DEUP1: variants seen among roughly 807,000 people sequenced by gnomAD.
DEUP1 encodes coiled-coil domain containing 67.
In DEUP1, 82 loss-of-function variants were observed where a neutral mutation model predicts 87.4. The ratio of observed to expected loss-of-function variants is 0.94; its 90% confidence interval spans 0.78 to 1.13. The LOEUF is 1.13. Ranked by LOEUF, DEUP1 falls within the 50% of genes most tolerant of loss-of-function variation. The probability of loss-of-function intolerance (pLI) is 0.00; values close to 1 mark genes in which losing one functional copy is unlikely to be tolerated. For missense variants in DEUP1, 663 were observed against 681.5 expected (o/e 0.97, Z 0.30); for synonymous variants, 214 against 222.7 (o/e 0.96, Z 0.35).
intron 2 of DEUP1, among the ~76,000 whole-genome samples, chr11:93,349,500 C>CT (rs1944523390): frequency 6.6e-6 from 1 of 152,070 alleles, no homozygotes; most frequent in African/African-American, 2.4e-5. Flanking sequence ...ACCAAAGGAT[C>CT]TGTGAGACCC....
At chr11:93,343,997 T>C (rs1944204339) in intron 2 of DEUP1, among the ~76,000 whole-genome samples, 2 of 152,208 alleles carry the variant, frequency 1.3e-5, no homozygotes, top group South Asian at 4.1e-4. Flanking sequence ...ACACTAATGA[T>C]GACAGTAACA....
chr11:93,360,663 T>C (rs921454673), intron 4 of DEUP1, among the ~76,000 whole-genome samples: 2 of 151,812 alleles, frequency 1.3e-5, no homozygotes, highest in East Asian at 3.9e-4. Context: ...ACTCAATGGA[T>C]GGACTTAAAA....
intron 12 of DEUP1, among the ~76,000 whole-genome samples, chr11:93,413,543 C>T (rs1171195207): frequency 2.0e-5 from 3 of 152,072 alleles, no homozygotes; most frequent in African/African-American, 7.2e-5. Context: ...GGCCCAGCCT[C>T]TTTGATGATT....
intron 12 of DEUP1, among the ~76,000 whole-genome samples, chr11:93,409,159 T>C (rs1284550579): frequency 1.3e-5 from 2 of 152,150 alleles, no homozygotes; most frequent in Admixed American, 6.5e-5. Context: ...ACCCAGCCAA[T>C]AGATACACTT....
intron 3 of DEUP1, 63 bp downstream of exon 3, chr11:93,355,605 A>G: frequency 7.2e-7 from 1 of 1,397,436 alleles, no homozygotes; most frequent in Non-Finnish European, 9.6e-7. Flanking sequence ...GTATTCTATC[A>G]GAATATGTTT....
chr11:93,399,629 T>C (rs1228645533), intron 11 of DEUP1, among the ~76,000 whole-genome samples: 1 of 151,780 alleles, frequency 6.6e-6, no homozygotes, highest in Non-Finnish European at 1.5e-5. Context: ...TTTTTAGTAC[T>C]GTTATGAATA....
chr11:93,401,695 C>A (rs911084368), intron 11 of DEUP1, among the ~76,000 whole-genome samples: 4 of 151,782 alleles, frequency 2.6e-5, no homozygotes, highest in African/African-American at 9.7e-5. Flanking sequence ...ACTTCACACC[C>A]ACTAGAATGA....
chr11:93,410,085 A>G (rs894628368), intron 12 of DEUP1, among the ~76,000 whole-genome samples: 1 of 152,172 alleles, frequency 6.6e-6, no homozygotes, highest in African/African-American at 2.4e-5. Context: ...CAGATGTTCA[A>G]CATTCTTATG....
At chr11:93,379,165 C>T (rs1280836606) in intron 7 of DEUP1, among the ~76,000 whole-genome samples, 1 of 152,110 alleles carries the variant, frequency 6.6e-6, no homozygotes, top group Non-Finnish European at 1.5e-5. Context: ...TTACAGGATC[C>T]AAGAGCGGCC....
chr11:93,347,624 T>A (rs1422113012), intron 2 of DEUP1, among the ~76,000 whole-genome samples: 1 of 152,228 alleles, frequency 6.6e-6, no homozygotes, highest in Admixed American at 6.5e-5. Flanking sequence ...AGAATTCAAC[T>A]GTGAATCTTT....
chr11:93,408,116 C>A, intron 11 of DEUP1, 115 bp from the exon 12 acceptor site: 1 of 698,810 alleles, frequency 1.4e-6, no homozygotes, highest in Non-Finnish European at 2.3e-6. Flanking sequence ...AGAGTACAGC[C>A]ACATCACTTG....
intron 11 of DEUP1, among the ~76,000 whole-genome samples, chr11:93,401,012 T>C (rs1444129072): frequency 6.6e-6 from 1 of 152,180 alleles, no homozygotes; most frequent in East Asian, 1.9e-4. Flanking sequence ...AAATGAGCCC[T>C]GTTCACAGAC....
At chr11:93,381,386 CAA>C (rs1316308092) in intron 7 of DEUP1, among the ~76,000 whole-genome samples, 1 of 152,078 alleles carries the variant, frequency 6.6e-6, no homozygotes, top group Non-Finnish European at 1.5e-5. Flanking sequence ...CACATAAATG[CAA>C]AAAGACAACA....
chr11:93,350,271 T>C lies in DEUP1; in HGVS notation c.30-5100T>C, dbSNP rs114800547. On this transcript the variant is annotated intron_variant, in intron 2 of 13. Coordinates refer to ENST00000298050, the MANE Select transcript of DEUP1 (RefSeq NM_181645.4). ...TGAACACTGACAAAAGAAGAGGAAG[T>C]ACACTCAAAACTGTATTTGACACAC... is the stretch of plus-strand genomic sequence containing the variant. 7.6e-3 allele frequency among the ~76,000 whole-genome samples: 1,153 copies of C among 152,248 alleles called. 15 individuals carry two copies. The highest frequency in any genetic ancestry group is 0.027 in the African/African-American group (1,112 of 41,536).
intron 2 of DEUP1, among the ~76,000 whole-genome samples, chr11:93,335,169 TATTTACAAAATGTAATTTC>T (rs879461626): frequency 0.02 from 3,077 of 152,066 alleles, 62 homozygotes; most frequent in South Asian, 0.048. Flanking sequence ...ACTCAAGAGA[TATTTACAAAATGTAATTTC>T]AAGGGGCATT....
In DEUP1 at chr11:93,437,609, C is replaced by T. The variant is rs756750019; in HGVS notation, c.1705C>T (p.Arg569Ter). The change falls in exon 14 of 14, where the codon CGA (arginine) becomes TGA (stop). Residue 569 changes from arginine (R) to a stop codon, truncating the protein, a stop_gained. Transcript: ENST00000298050. LOFTEE classifies it high-confidence loss of function. The part of the protein sequence containing the change: ...AQHFLLEEEK[R>*]AKELEKLLNT... ...GCATTTCCTTCTGGAAGAAGAGAAA[C>T]GAGCAAAAGAACTTGAAAAACTTCT... 3.5e-5 allele frequency: 57 copies of T among 1,612,928 alleles called. No individual in the cohort carries two copies. The highest frequency in any genetic ancestry group is 2.3e-4 in the South Asian group (21 of 91,052).
At chr11:93,413,294 T>G (rs982973413) in intron 12 of DEUP1, among the ~76,000 whole-genome samples, 3 of 149,888 alleles carry the variant, frequency 2.0e-5, no homozygotes, top group Non-Finnish European at 4.4e-5. Context: ...CAGGCTGGAG[T>G]GCAGTGGCGC....
intron 4 of DEUP1, 99 bp from the exon 5 acceptor site, chr11:93,364,061 G>A: frequency 1.1e-6 from 1 of 893,178 alleles, no homozygotes; most frequent in Middle Eastern, 3.6e-4. Context: ...TTCTAATCAT[G>A]ACAAATTTTC....
chr11:93,342,877 T>C (rs1021121271), intron 2 of DEUP1, among the ~76,000 whole-genome samples: 2 of 152,122 alleles, frequency 1.3e-5, no homozygotes, highest in Admixed American at 6.5e-5. Flanking sequence ...GAAACACAAA[T>C]CTAGGATCAT....
Sources: allele counts gnomAD v4.1 joint callset (sites outside exome capture counted in the v4.1 genomes callset), GRCh38; gene constraint gnomAD v4.1.1; transcripts MANE v1.5; gene names NCBI Gene and HGNC (gene_info 2026-07-23, HGNC 2026-07-21).